Variants in CABP1 observed in about 807,000 individuals in gnomAD.
CABP1 encodes calcium binding protein 1.
Under a neutral mutation model 34.3 loss-of-function variants are expected in CABP1, and 17 were observed. The ratio of observed to expected loss-of-function variants is 0.50; its 90% CI spans 0.34 to 0.74. The LOEUF is 0.74. CABP1 is among the 30% of genes least tolerant of loss of function. The pLI, the probability that CABP1 is intolerant of heterozygous loss-of-function variation, is 0.01. For synonymous variants in CABP1, 198 were observed against 229.2 expected (o/e 0.86, Z 1.23); for missense variants, 373 against 511.1 (o/e 0.73, Z 2.61).
intron 5 of CABP1, among the ~76,000 whole-genome samples, chr12:120,663,335 C>T (rs936533336): frequency 5.3e-5 from 8 of 152,002 alleles, no homozygotes; most frequent in African/African-American, 1.5e-4. Context: ...AGTGCAGTGG[C>T]GTAATCTCGG....
chr12:120,660,891 C>T lies in CABP1; in HGVS notation c.939+51C>T. ...GGGGCGGCTATTGGAATCCTATCTGCAGTATAAATACTTCAAAAGAAGCCT... is the reference window on the plus strand; with the variant it reads ...GGGGCGGCTATTGGAATCCTATCTGTAGTATAAATACTTCAAAAGAAGCCT... On this transcript the variant is annotated intron_variant, in intron 4 of 5. Transcript: ENST00000316803. This position sits in a 1 kb window ranked among gnomAD's most constrained non-coding sequence, Gnocchi z 5.0. 1 of 1,439,150 alleles carries T rather than the reference C, an allele frequency of 6.9e-7. No homozygotes were observed. Among genetic ancestry groups the T allele is most frequent in the Non-Finnish European group, 9.8e-7 (1 of 1,021,488 alleles). The allele number at this position is 1,439,150 out of a possible 1,614,324, so 89.1% of individuals were successfully genotyped here.
intron 5 of CABP1, among the ~76,000 whole-genome samples, chr12:120,665,340 C>T (rs1438549989): frequency 6.6e-6 from 1 of 152,056 alleles, no homozygotes; most frequent in Non-Finnish European, 1.5e-5. Context: ...GTGGGAGGAT[C>T]GCTTGAGCCC....
At position 120,660,858 on chromosome 12, in the gene CABP1, G is replaced by A; in HGVS notation, c.939+18G>A. 1 of 1,566,218 alleles carries A rather than the reference G, an allele frequency of 6.4e-7. No individual in the cohort carries two copies. The highest frequency in any genetic ancestry group is 8.8e-7 in the Non-Finnish European group (1 of 1,136,242). On this transcript the variant is annotated intron_variant, in intron 4 of 5. Transcript: ENST00000316803. The surrounding 1 kb of genome is among the most constrained non-coding windows in gnomAD (Gnocchi z 5.0). ...TCCGAGAGGTAACGGACAGAGGCAG[G>A]CAGGCATGGGGCGGCTATTGGAATC...
chr12:120,650,810 C>T (rs1879797026), intron 1 of CABP1: 3 of 946,882 alleles, frequency 3.2e-6, no homozygotes, highest in Non-Finnish European at 5.0e-6. Context: ...TCCAGGGCTG[C>T]CTCCCTGCTT....
intron 5 of CABP1, among the ~76,000 whole-genome samples, 186 bp from the exon 6 acceptor site, chr12:120,666,689 C>T (rs930924563): frequency 6.6e-6 from 1 of 152,090 alleles, no homozygotes; most frequent in African/African-American, 2.4e-5. Context: ...GGGAGGTTTA[C>T]GCAGCGGTCA....
chr12:120,669,785 T>C (rs1462820662), downstream of CABP1, among the ~76,000 whole-genome samples: 1 of 150,244 alleles, frequency 6.7e-6, no homozygotes, highest in Admixed American at 6.6e-5. Flanking sequence ...GATATGCCAG[T>C]TGTGATAAAG....
chr12:120,650,534 G>A, intron 1 of CABP1: 1 of 1,600,684 alleles, frequency 6.2e-7, no homozygotes, highest in Non-Finnish European at 8.5e-7. Context: ...CGGCACAGAC[G>A]GAGGGAGGCT....
intron 1 of CABP1, among the ~76,000 whole-genome samples, chr12:120,651,404 A>T (rs1420520839): frequency 6.6e-6 from 1 of 152,188 alleles, no homozygotes; most frequent in African/African-American, 2.4e-5. Flanking sequence ...GAACATGATC[A>T]TCTCTAAAGC....
chr12:120,642,025 T>C (rs1879356767), intron 1 of CABP1, among the ~76,000 whole-genome samples: 1 of 152,078 alleles, frequency 6.6e-6, no homozygotes, highest in Non-Finnish European at 1.5e-5. Context: ...CCTCAGGCCT[T>C]TCCCTCAAGA....
the CABP1 span, among the ~76,000 whole-genome samples, chr12:120,677,553 T>C: frequency 1.3e-5 from 2 of 151,988 alleles, 1 homozygote; most frequent in Admixed American, 1.3e-4. Context: ...TGCGCCACAA[T>C]GCTCAGCTAT....
chr12:120,676,336 G>A, the CABP1 span, among the ~76,000 whole-genome samples: 22 of 152,274 alleles, frequency 1.4e-4, no homozygotes, highest in South Asian at 4.1e-4. Context: ...ATAATCCAAC[G>A]TGCAGGTGTG....
chr12:120,653,182 A>G (rs1370400802), intron 1 of CABP1, among the ~76,000 whole-genome samples: 4 of 152,244 alleles, frequency 2.6e-5, no homozygotes, highest in African/African-American at 9.6e-5. Flanking sequence ...CCAGAAGTAA[A>G]TGCCTTCTGG....
At chr12:120,674,992 A>T in the CABP1 span, among the ~76,000 whole-genome samples, 1 of 151,546 alleles carries the variant, frequency 6.6e-6, no homozygotes, top group Non-Finnish European at 1.5e-5. Flanking sequence ...ATGTACATGT[A>T]TAGGATGTAT....
Position 120,641,229 on chromosome 12 carries a change from CG to C in CABP1, c.548del (p.Gly183AlafsTer93). Reference sequence around the variant, plus strand: ...GGGACTGTCCCCGGCGCTCGGCCTCCGGGGCTCTCTGCGAGCCCGGGGCCGC... The same window carrying C: ...GGGACTGTCCCCGGCGCTCGGCCTCCGGGCTCTCTGCGAGCCCGGGGCCGC... ...ERGLSPALGL[R>X]GSLRARGRGD... On this transcript the variant is annotated frameshift_variant, in exon 1 of 6. Coordinates refer to ENST00000316803, the MANE Select transcript of CABP1 (RefSeq NM_001033677.2). LOFTEE classifies it high-confidence loss of function. The surrounding 1 kb of genome is among the most constrained non-coding windows in gnomAD (Gnocchi z 6.7). 1 of 1,274,012 alleles carries C rather than the reference CG, an allele frequency of 7.8e-7. No individual in the cohort carries two copies. Among genetic ancestry groups the C allele is most frequent in the Non-Finnish European group, 9.9e-7 (1 of 1,011,986 alleles). The allele number at this position is 1,274,012 out of a possible 1,614,324, so 78.9% of individuals were successfully genotyped here. A position where few individuals can be genotyped will look rare whatever the true frequency, so the allele number is the denominator to read the frequency against.
At chr12:120,659,630 G>T (rs1880495068) in intron 1 of CABP1, 3 of 469,984 alleles carry the variant, frequency 6.4e-6, no homozygotes, top group East Asian at 3.6e-5. Context: ...AGGCACAGAG[G>T]TTCTGTGCCC....
chr12:120,640,826 G>T lies in CABP1; in HGVS notation c.141G>T (p.Pro47=). ...CGCCGCGCCGCACCGCGCCGCCCCC[G>T]CCGGGCCATGCGAGCGCGGGCCCCG... is the stretch of plus-strand genomic sequence containing the variant. ...GPAPRRTAPP[P]PGHASAGPAA... The change falls in exon 1 of 6, where the codon CCG becomes CCT. Residue 47 remains proline (P), a synonymous_variant. Transcript: ENST00000316803. The surrounding 1 kb of genome is among the most constrained non-coding windows in gnomAD (Gnocchi z 6.2). 9.3e-7 allele frequency: 1 copy of T among 1,079,132 alleles called. No homozygotes were observed. Among genetic ancestry groups the T allele is most frequent in the Non-Finnish European group, 1.1e-6 (1 of 892,310 alleles). 66.8% of individuals were successfully genotyped at this position (1,079,132 alleles called of 1,614,324 possible).
intron 1 of CABP1, among the ~76,000 whole-genome samples, chr12:120,652,188 G>A (rs758304780): frequency 6.6e-6 from 1 of 152,182 alleles, no homozygotes; most frequent in Non-Finnish European, 1.5e-5. Context: ...CTGGCCTATA[G>A]TAGTCAATAA....
rs548226583 is a variant in CABP1 at position 120,641,249 on chromosome 12, G to A, written c.564G>A (p.Arg188=). 8 of 1,290,536 alleles carry A rather than the reference G, an allele frequency of 6.2e-6. No individual in the cohort carries two copies. The African/African-American group carries it at 1.1e-4, about 17-fold the overall frequency. The allele number at this position is 1,290,536 out of a possible 1,614,324, so 79.9% of individuals were successfully genotyped here. The change falls in exon 1 of 6, where the codon CGG becomes CGA. Residue 188 remains arginine (R), a synonymous_variant. Coordinates refer to ENST00000316803, the MANE Select transcript of CABP1 (RefSeq NM_001033677.2). This position sits in a 1 kb window ranked among gnomAD's most constrained non-coding sequence, Gnocchi z 6.7. ...GCCTCCGGGGCTCTCTGCGAGCCCGGGGCCGCGGGGACTCCGTTCCAGCCG... is the reference window on the plus strand; with the variant it reads ...GCCTCCGGGGCTCTCTGCGAGCCCGAGGCCGCGGGGACTCCGTTCCAGCCG... ...ALGLRGSLRA[R]GRGDSVPAAA... is the part of the protein sequence containing the mutation.
Position 120,660,222 on chromosome 12 carries a change from G to A in CABP1, c.712G>A (p.Asp238Asn), listed in dbSNP as rs1880540526. ...EELREAFREF[D>N]KDKDGYINCR... is the part of the protein sequence containing the mutation. ...GCTCCGAGAGGCCTTCAGAGAATTC[G>A]ACAAGGACAAGGATGGCTACATCAA... Residue 238 changes from aspartate to asparagine, a missense_variant, in exon 3 of 6, where the codon GAC (aspartate) becomes AAC (asparagine). Asp to Asn is a conservative substitution (Grantham distance 23). This residue lies in a region of CABP1 where 109 missense variants were observed against 204.8 expected (regional missense o/e 0.53). Transcript: ENST00000316803. This position sits in a 1 kb window ranked among gnomAD's most constrained non-coding sequence, Gnocchi z 5.0. The A allele has an allele frequency of 1.9e-6, 3 of 1,614,022 alleles. No individual in the cohort carries two copies. The highest frequency in any genetic ancestry group is 2.5e-6 in the Non-Finnish European group (3 of 1,180,010).
Sources: gnomAD v4.1 joint callset for allele counts (sites outside exome capture counted in the v4.1 genomes callset) on GRCh38, gnomAD v4.1.1 for gene constraint, gnomAD v4.1.1 regional missense constraint, Gnocchi (gnomAD v3.1) non-coding constraint, MANE v1.5 for transcripts, NCBI Gene and HGNC (gene_info 2026-07-23, HGNC 2026-07-21) for gene names.